The following SUGCT variants were observed in gnomAD, a reference collection of about 807,000 sequenced individuals.
SUGCT encodes succinyl-CoA:glutarate CoA-transferase.
A neutral mutation model predicts 55.0 loss-of-function variants in SUGCT; 41 were observed. That is an observed-to-expected ratio of 0.74 (90% CI 0.58 to 0.97). The LOEUF is 0.97. SUGCT is among the 50% of genes least tolerant of loss of function. The pLI is 0.00. For synonymous variants in SUGCT, 187 were observed against 200.4 expected (o/e 0.93, Z 0.56); for missense variants, 568 against 547.8 (o/e 1.04, Z -0.37).
intron 9 of SUGCT, among the ~76,000 whole-genome samples, chr7:40,412,055 C>G (rs1451861429): frequency 2.0e-5 from 3 of 152,174 alleles, no homozygotes; most frequent in Admixed American, 2.0e-4. Flanking sequence ...CTCAAATGTT[C>G]TTTCTTCGGC....
At chr7:40,843,497 A>T (rs1174488520) in intron 13 of SUGCT, among the ~76,000 whole-genome samples, 1 of 151,276 alleles carries the variant, frequency 6.6e-6, no homozygotes, top group Non-Finnish European at 1.5e-5. Context: ...CAACAGAGAG[A>T]GACTCTGTCT....
At chr7:40,870,630 T>C in the SUGCT span, among the ~76,000 whole-genome samples, 1 of 152,212 alleles carries the variant, frequency 6.6e-6, no homozygotes, top group Admixed American at 6.5e-5. Context: ...TATGCAAATA[T>C]TCTGTTTTTC....
intron 6 of SUGCT, among the ~76,000 whole-genome samples, chr7:40,198,371 C>T (rs1180198356): frequency 2.6e-5 from 4 of 152,182 alleles, no homozygotes; most frequent in African/African-American, 9.7e-5. Flanking sequence ...TTAGGTGACA[C>T]TGAACAGTGC....
intron 12 of SUGCT, among the ~76,000 whole-genome samples, chr7:40,703,226 G>A (rs1273360448): frequency 6.6e-6 from 1 of 151,970 alleles, no homozygotes; most frequent in Non-Finnish European, 1.5e-5. Context: ...CACCATGCCC[G>A]GCTAATTTTG....
intron 9 of SUGCT, among the ~76,000 whole-genome samples, chr7:40,427,351 C>T (rs1035262415): frequency 3.3e-5 from 5 of 152,170 alleles, no homozygotes; most frequent in African/African-American, 4.8e-5. Flanking sequence ...TTCTGTGACT[C>T]GTCTAGGGTC....
At chr7:40,624,719 G>A (rs1020520915) in intron 12 of SUGCT, among the ~76,000 whole-genome samples, 2 of 151,548 alleles carry the variant, frequency 1.3e-5, no homozygotes, top group African/African-American at 4.9e-5. Context: ...AGGAAATCAA[G>A]TAGGTAGGGC....
intron 12 of SUGCT, among the ~76,000 whole-genome samples, chr7:40,534,119 C>G (rs1195563669): frequency 6.6e-6 from 1 of 152,096 alleles, no homozygotes; most frequent in African/African-American, 2.4e-5. Flanking sequence ...AAAAAATCCC[C>G]AATACCTATT....
intron 13 of SUGCT, among the ~76,000 whole-genome samples, chr7:40,813,394 A>G (rs1458581852): frequency 2.0e-5 from 3 of 152,074 alleles, no homozygotes; most frequent in Admixed American, 1.3e-4. Context: ...GGGTGGTCCA[A>G]TGTTGGATGT....
chr7:40,140,049 T>C (rs1049000232), intron 1 of SUGCT, among the ~76,000 whole-genome samples: 2 of 151,864 alleles, frequency 1.3e-5, no homozygotes, highest in Admixed American at 1.3e-4. Flanking sequence ...ATTACAGGCA[T>C]GCGCCACCAT....
the SUGCT span, among the ~76,000 whole-genome samples, chr7:40,889,844 C>G: frequency 6.6e-6 from 1 of 152,156 alleles, no homozygotes; most frequent in Non-Finnish European, 1.5e-5. Context: ...AGTTCAAAGA[C>G]TAAGTCTCAT....
the SUGCT span, among the ~76,000 whole-genome samples, chr7:40,949,482 G>C: frequency 6.6e-5 from 10 of 152,038 alleles, no homozygotes; most frequent in South Asian, 4.2e-4. Flanking sequence ...TGTCAATTTT[G>C]GCTTTTGTTG....
At chr7:40,262,034 A>G (rs1791254698) in intron 7 of SUGCT, among the ~76,000 whole-genome samples, 1 of 152,208 alleles carries the variant, frequency 6.6e-6, no homozygotes. Context: ...GACAGGCTAG[A>G]TGATATTTTG....
the SUGCT span, among the ~76,000 whole-genome samples, chr7:40,978,005 C>T: frequency 2.0e-5 from 3 of 152,162 alleles, no homozygotes; most frequent in Non-Finnish European, 4.4e-5. Context: ...GCCATTGGCT[C>T]TCTTGTCTGT....
intron 6 of SUGCT, 147 bp downstream of exon 6, chr7:40,195,207 A>G: frequency 1.4e-6 from 1 of 721,358 alleles, no homozygotes; most frequent in East Asian, 3.2e-5. Flanking sequence ...TGCTGAACTT[A>G]CTTTTTTCTT....
rs977597312 is a variant in SUGCT, at chr7:40,286,771, A to G, written c.720+12115A>G. ...GTGTGGCATTTCAAATAATAACCCT[A>G]TGTCCTATAGTTAGTAGGTCCATTC... On this transcript the variant is annotated intron_variant, in intron 8 of 13. Transcript: ENST00000335693. 4.6e-5 allele frequency among the ~76,000 whole-genome samples: 7 copies of G among 152,322 alleles called. No homozygotes were observed. The Middle Eastern group carries it at 0.01, about 222-fold the overall frequency.
chr7:40,552,303 T>C (rs1375382137), intron 12 of SUGCT, among the ~76,000 whole-genome samples: 1 of 152,180 alleles, frequency 6.6e-6, no homozygotes, highest in African/African-American at 2.4e-5. Context: ...CCCTCTGCCC[T>C]CCATACCTCT....
At chr7:40,736,253 TATA>T (rs748047248) in intron 12 of SUGCT, among the ~76,000 whole-genome samples, 141 of 68,568 alleles carry the variant, frequency 2.1e-3, no homozygotes, top group Middle Eastern at 6.5e-3. Context: ...TATAATATAT[TATA>T]ATATTTCAAT....
chr7:41,024,164 G>A, the SUGCT span, among the ~76,000 whole-genome samples: 9 of 152,178 alleles, frequency 5.9e-5, no homozygotes, highest in Admixed American at 5.9e-4. Context: ...CATAAAGTTA[G>A]AATCCTACCT....
intron 7 of SUGCT, among the ~76,000 whole-genome samples, chr7:40,256,188 A>G (rs991700424): frequency 3.3e-5 from 5 of 152,224 alleles, no homozygotes; most frequent in Admixed American, 2.6e-4. Flanking sequence ...TCAAGAGTCA[A>G]TGGGATTTAT....
Sources: allele counts gnomAD v4.1 joint callset (sites outside exome capture counted in the v4.1 genomes callset), GRCh38; gene constraint gnomAD v4.1.1; transcripts MANE v1.5; gene names NCBI Gene and HGNC (gene_info 2026-07-23, HGNC 2026-07-21).